CEP95: variants seen among roughly 807,000 people sequenced by gnomAD.
CEP95 encodes the protein centrosomal protein 95, also known as centrosomal protein of 95 kDa.
In CEP95, 98 loss-of-function variants were observed where a neutral mutation model predicts 111.2. The ratio of observed to expected loss-of-function variants is 0.88; its 90% CI spans 0.75 to 1.04. CEP95 has a LOEUF of 1.04. Among genes scored for constraint, CEP95 ranks in the 50% least tolerant of loss-of-function variants. The probability of loss-of-function intolerance (pLI) is 0.00; values close to 1 mark genes in which losing one functional copy is unlikely to be tolerated. For synonymous variants in CEP95, 323 were observed against 327.1 expected (o/e 0.99, Z 0.14); for missense variants, 1,027 against 977.2 (o/e 1.05, Z -0.68).
intron 11 of CEP95, among the ~76,000 whole-genome samples, 184 bp from the exon 12 acceptor site, chr17:64,529,104 C>T (rs1188878440): frequency 6.6e-6 from 1 of 152,286 alleles, no homozygotes; most frequent in African/African-American, 2.4e-5. Context: ...TGAGACAGTA[C>T]ACATTTGTAT....
At chr17:64,516,443 T>C (rs1450131988) in intron 4 of CEP95, among the ~76,000 whole-genome samples, 2 of 152,186 alleles carry the variant, frequency 1.3e-5, no homozygotes, top group Non-Finnish European at 2.9e-5. Flanking sequence ...TGGAGAGGTA[T>C]AAAAATATTG....
intron 3 of CEP95, among the ~76,000 whole-genome samples, chr17:64,512,431 ATACTG>A (rs1301618258): frequency 1.3e-5 from 2 of 152,230 alleles, no homozygotes; most frequent in African/African-American, 2.4e-5. Context: ...AAAGTATACT[ATACTG>A]TATTCTAAAA....
At chr17:64,506,917 C>A (rs1000677464), upstream of CEP95, 6 of 720,250 alleles carry the variant, frequency 8.3e-6, no homozygotes, top group African/African-American at 1.1e-4. Flanking sequence ...AGGAAGTGCT[C>A]CTCTGATGAC....
rs781905767 is a variant in CEP95, at chr17:64,531,976, G to A, written c.1626G>A (p.Thr542=). The A allele has an allele frequency of 1.1e-5, 17 of 1,610,096 alleles. No individual in the cohort carries two copies. The African/African-American group carries it at 1.3e-4, about 13-fold the overall frequency. ...AGATTTACTCTAGAAAAACCACAACGCAGAGTCTAAGAGGTGGCCTCCCAA... is the reference window on the plus strand; with the variant it reads ...AGATTTACTCTAGAAAAACCACAACACAGAGTCTAAGAGGTGGCCTCCCAA... The part of the protein sequence containing the change: ...PWKIYSRKTT[T]QSLRGGLPKP... Residue 542 remains threonine, a synonymous_variant, in exon 14 of 20, where the codon ACG becomes ACA. Coordinates refer to ENST00000556440, the MANE Select transcript of CEP95 (RefSeq NM_138363.3).
At chr17:64,537,484 G>A (rs1254894986) in intron 19 of CEP95, 119 bp from the exon 20 acceptor site, 3 of 1,426,180 alleles carry the variant, frequency 2.1e-6, no homozygotes, top group Admixed American at 5.9e-5. Context: ...AAGAGCTGCT[G>A]TTGCTAGATT....
chr17:64,508,928 T>C (rs1277581620), intron 2 of CEP95, among the ~76,000 whole-genome samples: 2 of 151,838 alleles, frequency 1.3e-5, no homozygotes, highest in East Asian at 3.9e-4. Context: ...TATTGTATAA[T>C]TATAATATTG....
At chr17:64,519,513 T>A in intron 6 of CEP95, 77 bp downstream of exon 6, 1 of 1,062,712 alleles carries the variant, frequency 9.4e-7, no homozygotes, top group Non-Finnish European at 1.4e-6. Flanking sequence ...TAGGAGTGTT[T>A]AAAATTGAGA....
chr17:64,517,734 A>G (rs1598200432), intron 5 of CEP95, among the ~76,000 whole-genome samples: 1 of 139,118 alleles, frequency 7.2e-6, no homozygotes, highest in South Asian at 2.2e-4. Context: ...GCATCTTGCT[A>G]TATTGACCAG....
intron 1 of CEP95, chr17:64,507,397 C>T (rs1288464519): frequency 1.4e-6 from 2 of 1,380,880 alleles, no homozygotes; most frequent in East Asian, 5.6e-5. Flanking sequence ...GAAGGGTCGT[C>T]CCCGGACTTG....
chr17:64,527,828 T>C (rs1043117749), intron 11 of CEP95, among the ~76,000 whole-genome samples: 2 of 150,804 alleles, frequency 1.3e-5, no homozygotes, highest in African/African-American at 4.9e-5. Context: ...TGGACATGAC[T>C]GAGTTCTTGC....
chr17:64,534,549 C>A, intron 16 of CEP95, 36 bp from the exon 17 acceptor site: 1 of 1,589,146 alleles, frequency 6.3e-7, no homozygotes, highest in Non-Finnish European at 8.6e-7. Flanking sequence ...TCCTCTTGTC[C>A]TTACCCTTCT....
intron 7 of CEP95, among the ~76,000 whole-genome samples, chr17:64,521,967 C>T (rs1261057758): frequency 1.3e-5 from 2 of 152,140 alleles, no homozygotes; most frequent in Non-Finnish European, 2.9e-5. Context: ...AGCGATTCTC[C>T]TGCCTCAGCC....
intron 2 of CEP95, among the ~76,000 whole-genome samples, chr17:64,509,374 C>T (rs550342808): frequency 3.9e-5 from 6 of 152,268 alleles, no homozygotes; most frequent in African/African-American, 1.4e-4. Flanking sequence ...TTCTAGTTGG[C>T]TATTCAAAAG....
chr17:64,511,521 A>C (rs781992241), intron 3 of CEP95, among the ~76,000 whole-genome samples: 1 of 152,208 alleles, frequency 6.6e-6, no homozygotes, highest in Non-Finnish European at 1.5e-5. Context: ...GACAGAGTTT[A>C]AGGTTATCTG....
At chr17:64,535,057 C>T in intron 17 of CEP95, 1 of 341,014 alleles carries the variant, frequency 2.9e-6, no homozygotes, top group Non-Finnish European at 5.7e-6. Context: ...AGTGTGATAA[C>T]ATGACCTTGC....
chr17:64,517,813 C>T (rs1192694316), intron 5 of CEP95, among the ~76,000 whole-genome samples: 1 of 151,522 alleles, frequency 6.6e-6, no homozygotes, highest in Admixed American at 6.6e-5. Context: ...GGATTATAGG[C>T]ATGACCCACC....
chr17:64,534,276 ACTC>A (rs1598249808), intron 16 of CEP95: 1 of 284,490 alleles, frequency 3.5e-6, no homozygotes, highest in East Asian at 7.1e-5. Context: ...CCATTTTCCT[ACTC>A]CTTGTGAGGT....
chr17:64,518,169 G>A (rs772655118), intron 5 of CEP95, among the ~76,000 whole-genome samples: 33 of 152,302 alleles, frequency 2.2e-4, no homozygotes, highest in Non-Finnish European at 3.7e-4. Context: ...GAGCCCCTGC[G>A]CCCAGCCTCA....
chr17:64,529,060 G>A (rs535049042), intron 11 of CEP95, among the ~76,000 whole-genome samples: 1 of 152,250 alleles, frequency 6.6e-6, no homozygotes, highest in Admixed American at 6.5e-5. Flanking sequence ...TCCACATGTT[G>A]AATATCCAAA....
Sources: allele counts gnomAD v4.1 joint callset (sites outside exome capture counted in the v4.1 genomes callset), GRCh38; gene constraint gnomAD v4.1.1; transcripts MANE v1.5; gene names NCBI Gene and HGNC (gene_info 2026-07-23, HGNC 2026-07-21).